Variants in STAU2 observed in about 807,000 individuals in gnomAD.
STAU2 encodes the protein double-stranded RNA-binding protein Staufen homolog 2.
Under a neutral mutation model 65.9 loss-of-function variants are expected in STAU2, and 20 were observed. That is an observed-to-expected ratio of 0.30 (90% CI 0.21 to 0.44). The LOEUF is 0.44. Ranked by LOEUF, STAU2 falls within the 20% of genes least tolerant of loss-of-function variation. The pLI, the probability that STAU2 is intolerant of heterozygous loss-of-function variation, is 1.00. For synonymous variants in STAU2, 232 were observed against 233.9 expected, an observed-to-expected ratio of 0.99 and a Z score of 0.07; for missense variants, 558 against 683.9, an observed-to-expected ratio of 0.82 and a Z score of 2.05.
rs540753208 is a variant in STAU2 at position 73,678,179 on chromosome 8, A to G, written c.275-4937T>C. Among the ~76,000 whole-genome samples, 47 of 152,164 alleles carry G rather than the reference A, an allele frequency of 3.1e-4. No individual in the cohort carries two copies. The South Asian group carries it at 9.1e-3, about 30-fold the overall frequency. On this transcript the variant is annotated intron_variant, in intron 5 of 14. Transcript: ENST00000524300. ...TCTCCCACCTTCCCTTTACATGTCA[A>G]ACTGAGCTTCCTAAAATACTCCTTT...
intron 4 of STAU2, chr8:73,697,344 A>G (rs1467202181): frequency 6.6e-6 from 1 of 152,214 alleles, no homozygotes; most frequent in Non-Finnish European, 1.5e-5. Context: ...TCCTTTAATT[A>G]TGAAGGAGAG....
rs1813707591 is a variant in STAU2, at chr8:73,627,205, C to CAGCGGGGGGGGG, written c.411-9755_411-9754insCCCCCCCCCGCT. Among the ~76,000 whole-genome samples the CAGCGGGGGGGGG allele has an allele frequency of 1.3e-3, 5 of 3,996 alleles. 2 individuals are homozygous for CAGCGGGGGGGGG. The highest frequency in any genetic ancestry group is 4.3e-3 in the African/African-American group (3 of 696). The allele number at this position is 3,996 out of a possible 152,430, so 2.6% of individuals were successfully genotyped here. On this transcript the variant is annotated intron_variant, in intron 6 of 14. Coordinates refer to ENST00000524300, the MANE Select transcript of STAU2 (RefSeq NM_001164380.2). ...ATTGTGGAGTGATGCTGCAGGAATA[C>CAGCGGGGGGGGG]GGCGGGGGGGGGGGGGGAGGGGGGG...
intron 5 of STAU2, among the ~76,000 whole-genome samples, chr8:73,681,892 A>C (rs941914955): frequency 1.3e-5 from 2 of 152,192 alleles, no homozygotes; most frequent in African/African-American, 4.8e-5. Context: ...GGGACATTAC[A>C]TAATGATAAA....
chr8:73,533,041 A>T (rs1234099405), intron 13 of STAU2, among the ~76,000 whole-genome samples: 4 of 152,118 alleles, frequency 2.6e-5, no homozygotes, highest in Non-Finnish European at 4.4e-5. Context: ...CTTTCTCAGG[A>T]CCTCTTGAGA....
At chr8:73,719,296 T>C (rs7841112) in intron 3 of STAU2, among the ~76,000 whole-genome samples, 365 of 151,938 alleles carry the variant, frequency 2.4e-3, no homozygotes, top group African/African-American at 8.5e-3. Flanking sequence ...TCCCAGCTAC[T>C]ACAGAGGCTG....
At chr8:73,516,561 A>G (rs1201157138) in intron 13 of STAU2, among the ~76,000 whole-genome samples, 1 of 152,192 alleles carries the variant, frequency 6.6e-6, no homozygotes, top group Non-Finnish European at 1.5e-5. Context: ...AGTAGGCCAA[A>G]TAACTATTAG....
At chr8:73,563,280 G>A (rs1243214275) in intron 12 of STAU2, among the ~76,000 whole-genome samples, 2 of 152,104 alleles carry the variant, frequency 1.3e-5, no homozygotes, top group Non-Finnish European at 2.9e-5. Flanking sequence ...ATCATGTAGG[G>A]ACACTAAACT....
intron 6 of STAU2, among the ~76,000 whole-genome samples, chr8:73,651,966 A>C (rs1815916768): frequency 6.6e-6 from 1 of 152,178 alleles, no homozygotes; most frequent in Non-Finnish European, 1.5e-5. Flanking sequence ...TCTTCACCAA[A>C]AGTTACCAAA....
At chr8:73,551,727 A>G in intron 13 of STAU2, 4 of 1,070,848 alleles carry the variant, frequency 3.7e-6, no homozygotes, top group Non-Finnish European at 4.5e-6. Flanking sequence ...GCACCTAATC[A>G]AGACCAAATA....
chr8:73,673,033 CTTTT>C, intron 6 of STAU2, 70 bp downstream of exon 6: 1 of 1,343,484 alleles, frequency 7.4e-7, no homozygotes, highest in Non-Finnish European at 9.8e-7. Flanking sequence ...TGAAAATACT[CTTTT>C]GAGTGTGAGA....
chr8:73,524,746 A>T (rs1466623255), intron 13 of STAU2, among the ~76,000 whole-genome samples: 1 of 152,162 alleles, frequency 6.6e-6, no homozygotes, highest in Admixed American at 6.5e-5. Flanking sequence ...CATTGGGCCA[A>T]ATGGATTATG....
chr8:73,505,044 C>T (rs953533493), intron 13 of STAU2, among the ~76,000 whole-genome samples: 3 of 152,032 alleles, frequency 2.0e-5, no homozygotes, highest in African/African-American at 4.8e-5. Context: ...ATATCTTTAT[C>T]CCTAATTTCT....
intron 9 of STAU2, among the ~76,000 whole-genome samples, chr8:73,608,612 TAA>T (rs61070069): frequency 2.9e-5 from 4 of 136,276 alleles, no homozygotes; most frequent in Non-Finnish European, 3.1e-5. Context: ...CTCCGTCCCA[TAA>T]AAAAAAAAAA....
intron 13 of STAU2, among the ~76,000 whole-genome samples, chr8:73,549,373 C>G (rs1013633151): frequency 3.9e-5 from 6 of 152,150 alleles, no homozygotes; most frequent in African/African-American, 1.4e-4. Context: ...TAGGTGAGAC[C>G]AAACAAGAAT....
intron 6 of STAU2, among the ~76,000 whole-genome samples, chr8:73,639,120 ATTAT>A (rs1814770249): frequency 1.3e-5 from 2 of 152,208 alleles, no homozygotes; most frequent in East Asian, 1.9e-4. Context: ...TTCAACAGAT[ATTAT>A]TTAAATTGTA....
chr8:73,542,671 C>T (rs1460118623), intron 13 of STAU2, among the ~76,000 whole-genome samples: 1 of 152,076 alleles, frequency 6.6e-6, no homozygotes, highest in South Asian at 2.1e-4. Context: ...AAGATGTGGA[C>T]ACTTCGCAAA....
Position 73,429,413 on chromosome 8 carries a change from C to CTTTTTTTTT in STAU2, c.1531-6720_1531-6712dup, listed in dbSNP as rs71561522. On this transcript the variant is annotated intron_variant, in intron 13 of 14. Coordinates refer to ENST00000524300, the MANE Select transcript of STAU2 (RefSeq NM_001164380.2). ...AACCAATCTATATTCTTGCTCAGGT[C>CTTTTTTTTT]TTTTTTTTTTTTTTTTTTTTTTTTT... Among the ~76,000 whole-genome samples the CTTTTTTTTT allele has an allele frequency of 8.6e-4, 56 of 65,360 alleles. 23 individuals carry two copies. The highest frequency in any genetic ancestry group is 1.5e-3 in the Non-Finnish European group (43 of 28,528). 42.9% of individuals were successfully genotyped at this position (65,360 alleles called of 152,430 possible).
chr8:73,711,974 T>A (rs1820934135), intron 3 of STAU2, among the ~76,000 whole-genome samples: 2 of 152,192 alleles, frequency 1.3e-5, no homozygotes, highest in South Asian at 4.1e-4. Flanking sequence ...CTTAATAGGA[T>A]TCTTACTTGA....
chr8:73,647,090 G>A (rs898967096), intron 6 of STAU2, among the ~76,000 whole-genome samples: 9 of 152,110 alleles, frequency 5.9e-5, no homozygotes, highest in African/African-American at 1.9e-4. Context: ...AAATGCTGTG[G>A]AGGATGAGAA....
Sources: gnomAD v4.1 joint callset for allele counts (sites outside exome capture counted in the v4.1 genomes callset) on GRCh38, gnomAD v4.1.1 for gene constraint, MANE v1.5 for transcripts, NCBI Gene and HGNC (gene_info 2026-07-23, HGNC 2026-07-21) for gene names.